Variants in PITRM1 observed in about 807,000 individuals in gnomAD.
PITRM1 encodes the protein presequence protease, mitochondrial.
PITRM1 carries 100 observed loss-of-function variants against 129.9 expected under a neutral mutation model. The ratio of observed to expected loss-of-function variants is 0.77; its 90% CI spans 0.65 to 0.91. The LOEUF (loss-of-function observed/expected upper bound fraction) is 0.91. Among genes scored for constraint, PITRM1 ranks in the 40% least tolerant of loss-of-function variants. The pLI is 0.00. For synonymous variants in PITRM1, 591 were observed against 508.8 expected (o/e 1.16, Z -2.17); for missense variants, 1,471 against 1,318.3 (o/e 1.12, Z -1.79).
At chr10:3,167,223 GGAAA>G (rs1350432014) in intron 2 of PITRM1, among the ~76,000 whole-genome samples, 181 bp from the exon 3 acceptor site, 1 of 151,498 alleles carries the variant, frequency 6.6e-6, no homozygotes. Flanking sequence ...CTACAAACAA[GGAAA>G]GACAGACCTA....
At chr10:3,151,083 G>T in intron 15 of PITRM1, 164 bp downstream of exon 15, 1 of 609,572 alleles carries the variant, frequency 1.6e-6, no homozygotes, top group Non-Finnish European at 3.0e-6. Flanking sequence ...CGAGAGTTAA[G>T]AACAAGGCAG....
At chr10:3,148,532 A>T in intron 16 of PITRM1, 1 of 483,066 alleles carries the variant, frequency 2.1e-6, no homozygotes, top group East Asian at 3.2e-5. Context: ...GTCCAGAGGC[A>T]CAAGACACTT....
intron 22 of PITRM1, 53 bp downstream of exon 22, chr10:3,144,239 C>T: frequency 2.1e-6 from 2 of 970,216 alleles, no homozygotes; most frequent in Non-Finnish European, 3.2e-6. Flanking sequence ...GCAGACACAG[C>T]CATGCAGGGA....
chr10:3,160,207 C>T lies in PITRM1; in HGVS notation c.915G>A (p.Lys305=). The change falls in exon 8 of 27, where the codon AAG becomes AAA. Residue 305 remains lysine (K), a synonymous_variant. Transcript: ENST00000224949. ...ACAAACACGGTGGGGCACTCACAGG[C>T]TTGTCCCAGGGTGTCTGAGCTGGCA... ...TVVPAQTPWD[K]PREFQITCGP... 5 of 1,613,864 alleles carry T rather than the reference C, an allele frequency of 3.1e-6. No individual in the cohort carries two copies. Among genetic ancestry groups the T allele is most frequent in the Non-Finnish European group, 4.2e-6 (5 of 1,179,818 alleles).
At chr10:3,157,275 G>A in intron 12 of PITRM1, 160 bp downstream of exon 12, 1 of 644,978 alleles carries the variant, frequency 1.6e-6, no homozygotes, top group Non-Finnish European at 2.5e-6. Context: ...AGCACAGGCT[G>A]AAATAATGTT....
rs1315947619 is a variant in PITRM1 at position 3,157,533 on chromosome 10, T to C, written c.1251-2A>G. Reference sequence around the variant, plus strand: ...ATTCGATCATCTTCAAATCCTTTCCTAAAGAATACAATGAAGAACAAAGAT... The same window carrying C: ...ATTCGATCATCTTCAAATCCTTTCCCAAAGAATACAATGAAGAACAAAGAT... On this transcript the variant is annotated splice_acceptor_variant, in intron 11 of 26. Coordinates refer to ENST00000224949, the MANE Select transcript of PITRM1 (RefSeq NM_014889.4). LOFTEE classifies it high-confidence loss of function. The C allele has an allele frequency of 1.7e-5, 26 of 1,567,526 alleles. No homozygotes were observed. Among genetic ancestry groups the C allele is most frequent in the Non-Finnish European group, 1.9e-5 (22 of 1,142,464 alleles).
intron 7 of PITRM1, among the ~76,000 whole-genome samples, chr10:3,162,884 G>C (rs1214624308): frequency 1.3e-5 from 2 of 152,102 alleles, no homozygotes; most frequent in Non-Finnish European, 2.9e-5. Flanking sequence ...AAACACTTTG[G>C]GGCCAACTAG....
chr10:3,147,944 C>T, intron 18 of PITRM1, 43 bp downstream of exon 18: 2 of 1,447,086 alleles, frequency 1.4e-6, no homozygotes, highest in Non-Finnish European at 1.9e-6. Context: ...ACAAAGATCT[C>T]TAGTACACCC....
Position 3,147,686 on chromosome 10 carries a change from G to A in PITRM1, c.2121C>T (p.Ala707=), listed in dbSNP as rs1163090279. 6.8e-6 allele frequency: 11 copies of A among 1,613,144 alleles called. No individual in the cohort carries two copies. The highest frequency in any genetic ancestry group is 1.6e-4 in the Middle Eastern group (1 of 6,062). The change falls in exon 19 of 27, where the codon GCC becomes GCT. Residue 707 remains alanine (A), a synonymous_variant. Transcript: ENST00000224949. ...EHFKVLVKMT[A]QELANGIPDS... ...CAGGAATTCCATTGGCGAGCTCCTGGGCGGTCATCTTCACCAGCACCTTGA... is the reference window on the plus strand; with the variant it reads ...CAGGAATTCCATTGGCGAGCTCCTGAGCGGTCATCTTCACCAGCACCTTGA...
intron 4 of PITRM1, 120 bp downstream of exon 4, chr10:3,166,109 A>G: frequency 1.3e-6 from 1 of 786,532 alleles, no homozygotes; most frequent in Non-Finnish European, 1.9e-6. Context: ...AGAGAGAGGT[A>G]AAAATTTTTC....
At chr10:3,145,835 A>T in intron 20 of PITRM1, 119 bp from the exon 21 acceptor site, 1 of 805,412 alleles carries the variant, frequency 1.2e-6, no homozygotes, top group Non-Finnish European at 2.0e-6. Context: ...CAGAGTGTTA[A>T]ACAGCAGCCA....
In PITRM1 at chr10:3,142,596, C is replaced by A. The variant is rs902546220; in HGVS notation, c.2645+793G>T. Among the ~76,000 whole-genome samples the A allele has an allele frequency of 4.6e-5, 7 of 152,368 alleles. No individual in the cohort carries two copies. In the South Asian group the frequency reaches 8.3e-4, roughly 18 times the overall value. On this transcript the variant is annotated intron_variant, in intron 23 of 26. Coordinates refer to ENST00000224949, the MANE Select transcript of PITRM1 (RefSeq NM_014889.4). ...GTTTCCCCAGATGGGATGAACACAGCCAAGGGGCAGCCAGAGTTCGGAAGA... is the reference window on the plus strand; with the variant it reads ...GTTTCCCCAGATGGGATGAACACAGACAAGGGGCAGCCAGAGTTCGGAAGA...
chr10:3,140,790 T>A lies in PITRM1; in HGVS notation c.2668A>T (p.Met890Leu). ...TCTGTATGCAAGAATTTGGCAGTCA[T>A]CAAACGTGCAAGGATTTTAAGACTG... is the stretch of plus-strand genomic sequence containing the variant. ...HASLKILARL[M>L]TAKFLHTEIR... is the part of the protein sequence containing the mutation. Residue 890 changes from methionine to leucine, a missense_variant, in exon 24 of 27, where the codon ATG (methionine) becomes TTG (leucine). Physicochemically the swap from Met to Leu is conservative, Grantham distance 15. Coordinates refer to ENST00000224949, the MANE Select transcript of PITRM1 (RefSeq NM_014889.4). 1 of 1,587,566 alleles carries A rather than the reference T, an allele frequency of 6.3e-7. No individual in the cohort carries two copies. Among genetic ancestry groups the A allele is most frequent in the East Asian group, 2.3e-5 (1 of 44,214 alleles).
At chr10:3,170,906 T>C (rs1294342934) in intron 1 of PITRM1, among the ~76,000 whole-genome samples, 2 of 151,042 alleles carry the variant, frequency 1.3e-5, no homozygotes, top group Non-Finnish European at 3.0e-5. Flanking sequence ...GAGGCTGCAG[T>C]GGGCCGAGAT....
intron 13 of PITRM1, 81 bp from the exon 14 acceptor site, chr10:3,155,810 T>C (rs990080415): frequency 6.6e-7 from 1 of 1,516,314 alleles, no homozygotes; most frequent in Non-Finnish European, 9.0e-7. Context: ...CTTCTGCTGG[T>C]GTGTTCTTGG....
chr10:3,148,901 C>A (rs1469211988), intron 16 of PITRM1: 1 of 152,316 alleles, frequency 6.6e-6, no homozygotes, highest in Non-Finnish European at 1.5e-5. Flanking sequence ...AGGCAGGGAA[C>A]CTTCAAAACC....
chr10:3,151,290 A>G lies in PITRM1; in HGVS notation c.1695T>C (p.Ile565=). 1 of 1,610,280 alleles carries G rather than the reference A, an allele frequency of 6.2e-7. No individual in the cohort carries two copies. Among genetic ancestry groups the G allele is most frequent in the Non-Finnish European group, 8.5e-7 (1 of 1,178,330 alleles). ...ACTCTGTGACAGGTATGGTGGGTTC[A>G]ATATCGGAAACTTTCAACGCTGGCA... The part of the protein sequence containing the change: ...SCLPALKVSD[I]EPTIPVTELD... The change falls in exon 15 of 27, where the codon ATT becomes ATC. Residue 565 remains isoleucine, a synonymous_variant. Transcript: ENST00000224949.
intron 7 of PITRM1, chr10:3,163,044 CT>C (rs1338623276): frequency 6.6e-6 from 1 of 152,212 alleles, no homozygotes; most frequent in African/African-American, 2.4e-5. Flanking sequence ...ATCATGACGT[CT>C]ATAATTTACT....
intron 14 of PITRM1, among the ~76,000 whole-genome samples, chr10:3,152,313 T>C (rs1206279362): frequency 1.3e-5 from 2 of 152,136 alleles, no homozygotes; most frequent in African/African-American, 4.8e-5. Context: ...CAAGCAAGTA[T>C]ACAAATGCAT....
Sources: allele counts gnomAD v4.1 joint callset (sites outside exome capture counted in the v4.1 genomes callset), GRCh38; gene constraint gnomAD v4.1.1; transcripts MANE v1.5; gene names NCBI Gene and HGNC (gene_info 2026-07-23, HGNC 2026-07-21).